The following POU6F2 variants were observed in gnomAD, a reference collection of about 807,000 sequenced individuals.
The protein encoded by POU6F2 is POU class 6 homeobox 2, also known as POU domain, class 6, transcription factor 2.
A neutral mutation model predicts 71.3 loss-of-function variants in POU6F2; 31 were observed. The ratio of observed to expected loss-of-function variants is 0.43; its 90% CI spans 0.33 to 0.59. POU6F2 has a LOEUF of 0.59. Ranked by LOEUF, POU6F2 falls within the 20% of genes least tolerant of loss-of-function variation. The pLI is 0.04. For missense variants in POU6F2, 783 were observed against 856.8 expected (o/e 0.91, Z 1.07); for synonymous variants, 347 against 355.7 (o/e 0.98, Z 0.27).
intron 5 of POU6F2, among the ~76,000 whole-genome samples, chr7:39,371,086 G>C (rs1198762193): frequency 6.6e-6 from 1 of 152,118 alleles, no homozygotes; most frequent in African/African-American, 2.4e-5. Flanking sequence ...GCATAGACCT[G>C]TGCAGTGGTG....
chr7:39,278,022 C>T (rs560465123), intron 4 of POU6F2, among the ~76,000 whole-genome samples: 1 of 144,172 alleles, frequency 6.9e-6, no homozygotes, highest in Non-Finnish European at 1.5e-5. Context: ...TGCAGTGAGC[C>T]GAGATCGGGC....
chr7:39,048,893 C>T (rs1389222338), intron 1 of POU6F2, among the ~76,000 whole-genome samples: 1 of 151,970 alleles, frequency 6.6e-6, no homozygotes, highest in Non-Finnish European at 1.5e-5. Context: ...GATGGTATCT[C>T]ATATCTATAC....
At chr7:39,442,439 G>A (rs1788426700) in intron 7 of POU6F2, among the ~76,000 whole-genome samples, 1 of 152,208 alleles carries the variant, frequency 6.6e-6, no homozygotes, top group African/African-American at 2.4e-5. Context: ...ACTTTCTGGA[G>A]ACAGAGACTT....
rs573982766 is a variant in POU6F2 at position 39,384,882 on chromosome 7, A to G, written c.973-21718A>G. ...TTATTGAGTTAAGTTGATTCAGAAC[A>G]CATTTGGAAGCTTTGTGTCCTCTAA... is the stretch of plus-strand genomic sequence containing the variant. On this transcript the variant is annotated intron_variant, in intron 5 of 9. Coordinates refer to ENST00000518318, the MANE Select transcript of POU6F2 (RefSeq NM_001370959.1). Among the ~76,000 whole-genome samples the G allele has an allele frequency of 5.8e-4, 88 of 152,380 alleles. 1 individual carries two copies. In the South Asian group the frequency reaches 0.017, roughly 30 times the overall value.
chr7:39,353,441 T>G (rs544151089), intron 5 of POU6F2, among the ~76,000 whole-genome samples: 6 of 152,390 alleles, frequency 3.9e-5, no homozygotes, highest in African/African-American at 1.4e-4. Flanking sequence ...ACATGTATTT[T>G]CAATATTTGT....
At chr7:39,406,467 C>T in intron 5 of POU6F2, 133 bp from the exon 6 acceptor site, 1 of 1,007,322 alleles carries the variant, frequency 9.9e-7, no homozygotes, top group Non-Finnish European at 1.4e-6. Context: ...TTCGCCACGC[C>T]CCTCCGGTGG....
intron 4 of POU6F2, among the ~76,000 whole-genome samples, chr7:39,219,218 A>G (rs1794302460): frequency 6.6e-6 from 1 of 152,300 alleles, no homozygotes; most frequent in East Asian, 1.9e-4. Flanking sequence ...CCCCCAAAAA[A>G]GTATGTCAGT....
intron 5 of POU6F2, among the ~76,000 whole-genome samples, chr7:39,347,986 A>G (rs1786063549): frequency 6.9e-6 from 1 of 144,022 alleles, no homozygotes; most frequent in Non-Finnish European, 1.6e-5. Flanking sequence ...GATATAGGAT[A>G]AAGATGCCAT....
chr7:39,406,308 C>A (rs536031914), intron 5 of POU6F2: 12 of 394,232 alleles, frequency 3.0e-5, no homozygotes, highest in Non-Finnish European at 5.6e-5. Context: ...TTCTCCACCC[C>A]AGAAGGTCCT....
At chr7:39,351,714 C>T (rs1786142994) in intron 5 of POU6F2, among the ~76,000 whole-genome samples, 1 of 152,220 alleles carries the variant, frequency 6.6e-6, no homozygotes, top group Admixed American at 6.5e-5. Flanking sequence ...AATGCTGATG[C>T]AGCGGGTTGC....
intron 5 of POU6F2, among the ~76,000 whole-genome samples, chr7:39,351,267 T>A (rs1355712543): frequency 2.0e-5 from 3 of 152,216 alleles, no homozygotes; most frequent in African/African-American, 7.2e-5. Flanking sequence ...ATAATAAGAC[T>A]GGGTCTTCAT....
chr7:39,147,829 G>A (rs902539612), intron 2 of POU6F2, among the ~76,000 whole-genome samples: 3 of 152,086 alleles, frequency 2.0e-5, no homozygotes. Context: ...CTTCATTTCA[G>A]GGAGACCTCC....
intron 1 of POU6F2, among the ~76,000 whole-genome samples, chr7:38,992,599 A>T (rs1471189316): frequency 6.6e-6 from 1 of 152,212 alleles, no homozygotes; most frequent in Non-Finnish European, 1.5e-5. Context: ...TTTAAGTTAC[A>T]TGGGGACCAG....
At chr7:39,319,656 A>G (rs753635478) in intron 4 of POU6F2, among the ~76,000 whole-genome samples, 1 of 152,140 alleles carries the variant, frequency 6.6e-6, no homozygotes, top group African/African-American at 2.4e-5. Flanking sequence ...CAATCTCTCC[A>G]TAGCCTCCCT....
intron 4 of POU6F2, among the ~76,000 whole-genome samples, chr7:39,271,809 A>G (rs1024704955): frequency 2.0e-5 from 3 of 151,820 alleles, no homozygotes; most frequent in African/African-American, 7.3e-5. Context: ...ATCGTCATTC[A>G]ACTTATTTTA....
chr7:39,098,483 G>T (rs899019332), intron 2 of POU6F2, among the ~76,000 whole-genome samples: 36 of 150,998 alleles, frequency 2.4e-4, no homozygotes, highest in Admixed American at 2.6e-4. Flanking sequence ...GTCTCACTTT[G>T]TTGCTTAGGC....
intron 4 of POU6F2, among the ~76,000 whole-genome samples, chr7:39,301,014 G>A (rs1784939931): frequency 6.6e-6 from 1 of 152,110 alleles, no homozygotes; most frequent in African/African-American, 2.4e-5. Flanking sequence ...TTTGTGTTTT[G>A]AGGAAATGCC....
intron 4 of POU6F2, among the ~76,000 whole-genome samples, chr7:39,268,264 A>G (rs750679650): frequency 2.6e-5 from 4 of 152,168 alleles, no homozygotes; most frequent in Non-Finnish European, 5.9e-5. Flanking sequence ...CACATTGCCC[A>G]TTCTGCACCC....
rs1439221430 is a variant in POU6F2 at position 39,464,822 on chromosome 7, G to A, written c.*136G>A. 2 of 1,122,382 alleles carry A rather than the reference G, an allele frequency of 1.8e-6. No individual in the cohort carries two copies. Among genetic ancestry groups the A allele is most frequent in the African/African-American group, 1.6e-5 (1 of 63,392 alleles). 69.5% of individuals were successfully genotyped at this position (1,122,382 alleles called of 1,614,324 possible). On this transcript the variant is annotated 3_prime_UTR_variant, in exon 10 of 10. Coordinates refer to ENST00000518318, the MANE Select transcript of POU6F2 (RefSeq NM_001370959.1). The surrounding 1 kb of genome is among the most constrained non-coding windows in gnomAD (Gnocchi z 4.1). The stretch of plus-strand genomic sequence containing the variant: ...GTCGTCATCACCCTTGTAAGTAAAT[G>A]ACTAAGAAAACTACCAAGTGGACAG...
Sources: allele counts gnomAD v4.1 joint callset (sites outside exome capture counted in the v4.1 genomes callset), GRCh38; gene constraint gnomAD v4.1.1; non-coding constraint Gnocchi (gnomAD v3.1); transcripts MANE v1.5; gene names NCBI Gene and HGNC (gene_info 2026-07-23, HGNC 2026-07-21).